The following OXR1 variants were observed in gnomAD, a reference collection of about 807,000 sequenced individuals.
OXR1 encodes the protein oxidation resistance protein 1.
A neutral mutation model predicts 104.6 loss-of-function variants in OXR1; 41 were observed. The observed-to-expected ratio is 0.39, with a 90% CI of 0.31 to 0.51. OXR1 has a LOEUF of 0.51. Among genes scored for constraint, OXR1 ranks in the 20% least tolerant of loss-of-function variants. The pLI is 0.77. For synonymous variants in OXR1, 348 were observed against 348.4 expected, an observed-to-expected ratio of 1.00 and a Z score of 0.01; for missense variants, 955 against 1,031.9, an observed-to-expected ratio of 0.93 and a Z score of 1.02.
At chr8:106,747,259 G>A (rs1050789564) in intron 16 of OXR1, among the ~76,000 whole-genome samples, 1 of 152,188 alleles carries the variant, frequency 6.6e-6, no homozygotes, top group African/African-American at 2.4e-5. Context: ...ATAAATTGGA[G>A]ATTAAACCAG....
intron 2 of OXR1, among the ~76,000 whole-genome samples, chr8:106,469,239 G>A (rs1421910336): frequency 6.6e-6 from 1 of 151,660 alleles, no homozygotes; most frequent in Non-Finnish European, 1.5e-5. Flanking sequence ...TCTCTGCTTT[G>A]GTAATCTATG....
In OXR1 at chr8:106,466,596, G is replaced by T. The variant is rs190779905; in HGVS notation, c.24-52347G>T. On this transcript the variant is annotated intron_variant, in intron 2 of 16. Transcript: ENST00000517566. ...ATTTCCAATCCAGTTTACATTTATTGACTTCCCCCCCAGAAGAAATACATT... is the reference window on the plus strand; with the variant it reads ...ATTTCCAATCCAGTTTACATTTATTTACTTCCCCCCCAGAAGAAATACATT... Among the ~76,000 whole-genome samples, 174 of 150,166 alleles carry T rather than the reference G, an allele frequency of 1.2e-3. 1 individual carries two copies. The highest frequency in any genetic ancestry group is 6.9e-3 in the Middle Eastern group (2 of 290).
chr8:106,750,382 A>G (rs1420594584), intron 16 of OXR1, among the ~76,000 whole-genome samples: 2 of 146,624 alleles, frequency 1.4e-5, no homozygotes, highest in Admixed American at 6.9e-5. Context: ...CTGGAGTGCA[A>G]TGGTGCAATC....
chr8:106,611,594 A>G (rs1476567405), intron 3 of OXR1, among the ~76,000 whole-genome samples: 1 of 152,198 alleles, frequency 6.6e-6, no homozygotes, highest in Non-Finnish European at 1.5e-5. Context: ...TGATGTCAGA[A>G]AGGTAGAAGT....
chr8:106,663,177 T>C (rs536824809), intron 3 of OXR1, among the ~76,000 whole-genome samples: 1 of 152,226 alleles, frequency 6.6e-6, no homozygotes, highest in Non-Finnish European at 1.5e-5. Context: ...AAGTTTTTTA[T>C]TTAATCCTAA....
At chr8:106,708,785 T>A (rs1184809790) in intron 9 of OXR1, among the ~76,000 whole-genome samples, 1 of 152,140 alleles carries the variant, frequency 6.6e-6, no homozygotes, top group Non-Finnish European at 1.5e-5. Flanking sequence ...TTTGGGTATA[T>A]TCCCAGAGTG....
intron 3 of OXR1, among the ~76,000 whole-genome samples, chr8:106,601,383 A>G (rs1462810): frequency 0.58 from 88,765 of 151,912 alleles, 26,507 homozygotes; most frequent in African/African-American, 0.72. Flanking sequence ...TGGAAGCTGG[A>G]AAGCCCAAGA....
chr8:106,330,242 A>G (rs1814653876), intron 1 of OXR1, among the ~76,000 whole-genome samples: 1 of 152,234 alleles, frequency 6.6e-6, no homozygotes, highest in East Asian at 1.9e-4. Flanking sequence ...CTGGATGAGG[A>G]CAACTATTTC....
chr8:106,656,149 G>T (rs2131047672), intron 3 of OXR1: 1 of 152,328 alleles, frequency 6.6e-6, no homozygotes, highest in Non-Finnish European at 1.5e-5. Context: ...TAGTGTGAAT[G>T]GTAAGTCTTC....
chr8:106,649,900 G>T (rs546204203), intron 3 of OXR1, among the ~76,000 whole-genome samples: 1 of 152,180 alleles, frequency 6.6e-6, no homozygotes, highest in African/African-American at 2.4e-5. Flanking sequence ...GTTTCACTGT[G>T]TTAGCCAGAA....
At chr8:106,721,449 TTA>T (rs1169567043) in intron 11 of OXR1, among the ~76,000 whole-genome samples, 1 of 152,132 alleles carries the variant, frequency 6.6e-6, no homozygotes, top group African/African-American at 2.4e-5. Context: ...TTTACTAAGA[TTA>T]TGTGTTGATA....
At chr8:106,395,505 A>G (rs961652554) in intron 2 of OXR1, among the ~76,000 whole-genome samples, 6 of 152,136 alleles carry the variant, frequency 3.9e-5, no homozygotes, top group African/African-American at 1.4e-4. Context: ...AGACTTATTC[A>G]CTATCACAAG....
At chr8:106,708,211 G>A (rs536568894) in intron 9 of OXR1, among the ~76,000 whole-genome samples, 1 of 151,928 alleles carries the variant, frequency 6.6e-6, no homozygotes, top group Non-Finnish European at 1.5e-5. Context: ...GGGCACCATG[G>A]CAAAACCCTG....
intron 14 of OXR1, among the ~76,000 whole-genome samples, chr8:106,741,582 G>A (rs1834920348): frequency 6.6e-6 from 1 of 152,074 alleles, no homozygotes; most frequent in Non-Finnish European, 1.5e-5. Flanking sequence ...TAGAATGTCA[G>A]GATAGACAGT....
chr8:106,398,124 A>G (rs1008138129), intron 2 of OXR1, among the ~76,000 whole-genome samples: 1 of 152,146 alleles, frequency 6.6e-6, no homozygotes, highest in African/African-American at 2.4e-5. Context: ...TACCTAATGA[A>G]CTAATTTTAA....
At chr8:106,487,275 C>T (rs1166331140) in intron 2 of OXR1, among the ~76,000 whole-genome samples, 9 of 151,230 alleles carry the variant, frequency 6.0e-5, no homozygotes, top group Middle Eastern at 3.5e-3. Context: ...CTGCCCGCCT[C>T]GGCCTCCCAA....
intron 13 of OXR1, 50 bp from the exon 14 acceptor site, chr8:106,740,293 A>T: frequency 6.8e-7 from 1 of 1,467,114 alleles, no homozygotes; most frequent in Non-Finnish European, 9.4e-7. Flanking sequence ...AGTATTCTAC[A>T]TAATGAACAA....
chr8:106,524,917 ATCC>A (rs1456029710), intron 3 of OXR1, among the ~76,000 whole-genome samples: 7 of 152,100 alleles, frequency 4.6e-5, no homozygotes, highest in Non-Finnish European at 8.8e-5. Context: ...CACCCTCACC[ATCC>A]TCCTCTGTTT....
At chr8:106,638,184 CTTCT>C (rs1181597054) in intron 3 of OXR1, among the ~76,000 whole-genome samples, 4 of 152,168 alleles carry the variant, frequency 2.6e-5, no homozygotes, top group Admixed American at 2.6e-4. Context: ...TTAGCTTCAG[CTTCT>C]TTCTAACATT....
Sources: allele counts gnomAD v4.1 joint callset (sites outside exome capture counted in the v4.1 genomes callset), GRCh38; gene constraint gnomAD v4.1.1; transcripts MANE v1.5; gene names NCBI Gene and HGNC (gene_info 2026-07-23, HGNC 2026-07-21).